The following IL1RN variants were observed in gnomAD, a reference collection of about 807,000 sequenced individuals.
The protein encoded by IL1RN is interleukin-1 receptor antagonist protein.
A neutral mutation model predicts 13.7 loss-of-function variants in IL1RN; 10 were observed. The observed-to-expected ratio is 0.73, with a 90% CI of 0.45 to 1.24. IL1RN has a LOEUF of 1.24. Among genes scored for constraint, IL1RN ranks in the 50% most tolerant of loss-of-function variants. IL1RN has a pLI of 0.00. For synonymous variants in IL1RN, 102 were observed against 82.7 expected (o/e 1.23, Z -1.27); for missense variants, 213 against 222.1 (o/e 0.96, Z 0.26).
upstream of IL1RN, among the ~76,000 whole-genome samples, chr2:113,126,693 T>C (rs1464433905): frequency 7.1e-6 from 1 of 141,616 alleles, no homozygotes; most frequent in Non-Finnish European, 1.6e-5. Flanking sequence ...TCCCTCCCTC[T>C]TTCCCTTCCT....
At chr2:113,102,327 T>C (rs1249655836), upstream of IL1RN, among the ~76,000 whole-genome samples, 2 of 152,198 alleles carry the variant, frequency 1.3e-5, no homozygotes, top group South Asian at 4.1e-4. Flanking sequence ...CCAATTCTAT[T>C]GTGTTAGGGC....
At chr2:113,117,682 A>G, upstream of IL1RN, 2 of 485,896 alleles carry the variant, frequency 4.1e-6, no homozygotes, top group Non-Finnish European at 7.5e-6. Context: ...ACGAAGGCCC[A>G]GCTCAGTTCT....
chr2:113,123,995 C>G (rs1471836447), upstream of IL1RN, among the ~76,000 whole-genome samples: 1 of 152,200 alleles, frequency 6.6e-6, no homozygotes, highest in Non-Finnish European at 1.5e-5. Context: ...TGTCCCCTTA[C>G]AGCAGTGCAG....
upstream of IL1RN, chr2:113,117,574 G>A (rs1019456116): frequency 4.3e-5 from 9 of 207,986 alleles, no homozygotes; most frequent in African/African-American, 6.9e-5. Context: ...CCCAATGCCT[G>A]GAAGAGTGCC....
intron 2 of IL1RN, chr2:113,121,495 T>C (rs545917217): frequency 1.0e-6 from 1 of 985,460 alleles, no homozygotes; most frequent in African/African-American, 1.7e-5. Context: ...AGAGCAAGCA[T>C]GTACCGCTGA....
At chr2:113,118,415 T>A (rs1390194255) in intron 1 of IL1RN, among the ~76,000 whole-genome samples, 2 of 152,156 alleles carry the variant, frequency 1.3e-5, no homozygotes, top group African/African-American at 4.8e-5. Context: ...TAATAGAATG[T>A]GGCACTGAGC....
chr2:113,117,711 C>A, upstream of IL1RN: 1 of 547,882 alleles, frequency 1.8e-6, no homozygotes, highest in South Asian at 2.2e-5. Context: ...GACCTCCCAT[C>A]TTACGCAGAT....
chr2:113,129,736 G>A (rs552398984), intron 2 of IL1RN, 72 bp downstream of exon 2: 5 of 973,108 alleles, frequency 5.1e-6, no homozygotes, highest in Non-Finnish European at 8.4e-6. Flanking sequence ...CAGCAGCATG[G>A]CCTGCCTGCA....
chr2:113,101,067 A>C, the IL1RN span, among the ~76,000 whole-genome samples: 1 of 152,380 alleles, frequency 6.6e-6, no homozygotes, highest in South Asian at 2.1e-4. Context: ...TTTTAGAGAC[A>C]TGACAAGGGA....
intron 1 of IL1RN, among the ~76,000 whole-genome samples, chr2:113,112,404 T>A (rs893760278): frequency 1.3e-5 from 2 of 152,052 alleles, no homozygotes; most frequent in African/African-American, 4.8e-5. Context: ...TGCTAGTCCT[T>A]CCCGCCAGAA....
upstream of IL1RN, among the ~76,000 whole-genome samples, chr2:113,124,471 G>A (rs1004327349): frequency 6.6e-6 from 1 of 152,066 alleles, no homozygotes; most frequent in Non-Finnish European, 1.5e-5. Context: ...GCAGGCTTGA[G>A]ACTGGACTGG....
upstream of IL1RN, among the ~76,000 whole-genome samples, chr2:113,107,623 C>T (rs1686407393): frequency 6.6e-6 from 1 of 151,468 alleles, no homozygotes; most frequent in Admixed American, 6.6e-5. Context: ...ATCCCAGCTA[C>T]TTGGGAGGCT....
chr2:113,127,991 A>G (rs1393353005), intron 1 of IL1RN, among the ~76,000 whole-genome samples: 1 of 152,242 alleles, frequency 6.6e-6, no homozygotes, highest in Non-Finnish European at 1.5e-5. Flanking sequence ...CCCAGTGAGT[A>G]ATAGATGCAT....
At chr2:113,130,017 C>G (rs1687105580) in intron 2 of IL1RN, 3 of 309,126 alleles carry the variant, frequency 9.7e-6, no homozygotes, top group Non-Finnish European at 1.9e-5. Context: ...TAACTCAATC[C>G]CAAATTAATC....
intron 3 of IL1RN, 34 bp downstream of exon 3, chr2:113,131,191 A>C: frequency 7.1e-7 from 1 of 1,417,924 alleles, no homozygotes; most frequent in Middle Eastern, 1.7e-4. Flanking sequence ...AATCACCCCA[A>C]AACCCAGTGG....
At position 113,133,324 on chromosome 2, in the gene IL1RN, T is replaced by G; in HGVS notation, c.*453T>G. On this transcript the variant is annotated 3_prime_UTR_variant, in exon 4 of 4. Transcript: ENST00000409930. ...CATGAGGGAGGTTTTTAAGGGTTTG[T>G]GGAAAATGAAAATTAGGATTTCATG... 5.5e-6 allele frequency: 1 copy of G among 180,798 alleles called. No individual in the cohort carries two copies. The highest frequency in any genetic ancestry group is 1.2e-5 in the Non-Finnish European group (1 of 84,212). The allele number at this position is 180,798 out of a possible 1,614,324, so 11.2% of individuals were successfully genotyped here. A position where few individuals can be genotyped will look rare whatever the true frequency, so the allele number is the denominator to read the frequency against.
At chr2:113,129,990 C>T (rs1687104617) in intron 2 of IL1RN, 1 of 362,532 alleles carries the variant, frequency 2.8e-6, no homozygotes, top group Non-Finnish European at 5.4e-6. Flanking sequence ...CTCCATGTTC[C>T]TATGTTGTTC....
chr2:113,120,639 C>G (rs1482718675), intron 2 of IL1RN, among the ~76,000 whole-genome samples: 2 of 152,140 alleles, frequency 1.3e-5, no homozygotes, highest in Non-Finnish European at 2.9e-5. Flanking sequence ...CACTCTAGTC[C>G]ATAACCAGGT....
chr2:113,111,876 C>T (rs997972917), intron 1 of IL1RN, among the ~76,000 whole-genome samples: 1 of 152,258 alleles, frequency 6.6e-6, no homozygotes, highest in Non-Finnish European at 1.5e-5. Context: ...TAGATGTGCA[C>T]CCTGTTTTTA....
Sources: allele counts gnomAD v4.1 joint callset (sites outside exome capture counted in the v4.1 genomes callset), GRCh38; gene constraint gnomAD v4.1.1; transcripts MANE v1.5; gene names NCBI Gene and HGNC (gene_info 2026-07-23, HGNC 2026-07-21).